Variants in TACR3 observed in about 807,000 individuals in gnomAD.
TACR3 encodes neuromedin-K receptor.
A neutral mutation model predicts 35.0 loss-of-function variants in TACR3; 34 were observed. The ratio of observed to expected loss-of-function variants is 0.97; its 90% CI spans 0.74 to 1.30. The LOEUF (loss-of-function observed/expected upper bound fraction) is 1.30. Ranked by LOEUF, TACR3 falls within the 50% of genes most tolerant of loss-of-function variation. TACR3 has a pLI of 0.00. For synonymous variants in TACR3, 233 were observed against 221.1 expected (o/e 1.05, Z -0.48); for missense variants, 558 against 591.7 (o/e 0.94, Z 0.59).
chr4:103,599,161 C>G (rs1005113838), intron 3 of TACR3, among the ~76,000 whole-genome samples: 3 of 152,072 alleles, frequency 2.0e-5, no homozygotes, highest in East Asian at 1.9e-4. Flanking sequence ...CCTTGAAGAG[C>G]TCCTTCATAT....
chr4:103,666,630 T>C (rs189151033), intron 1 of TACR3, among the ~76,000 whole-genome samples: 22 of 152,298 alleles, frequency 1.4e-4, no homozygotes, highest in African/African-American at 5.1e-4. Context: ...TACAAAATGA[T>C]TTGTATCAAA....
rs563990430 is a variant in TACR3, at chr4:103,709,850, G to A, written c.548+9278C>T. On this transcript the variant is annotated intron_variant, in intron 1 of 4. Coordinates refer to ENST00000304883, the MANE Select transcript of TACR3 (RefSeq NM_001059.3). ...ATGGAAAACAAAAAAAAATGCAGGG[G>A]TTGCAATCCTAGTCTCTGATAAAAC... Among the ~76,000 whole-genome samples, 6 of 152,180 alleles carry A rather than the reference G, an allele frequency of 3.9e-5. No homozygotes were observed. The South Asian group carries it at 1.2e-3, about 32-fold the overall frequency.
intron 1 of TACR3, among the ~76,000 whole-genome samples, chr4:103,718,599 T>G (rs1259013034): frequency 6.6e-6 from 1 of 152,174 alleles, no homozygotes; most frequent in Non-Finnish European, 1.5e-5. Context: ...TCTTGGTGAC[T>G]GGGAGACCAA....
intron 3 of TACR3, among the ~76,000 whole-genome samples, chr4:103,628,300 C>A (rs1021045667): frequency 4.7e-4 from 71 of 152,120 alleles, no homozygotes; most frequent in African/African-American, 1.6e-3. Context: ...AAGATCAGAG[C>A]AGACCTGAAG....
chr4:103,691,909 C>A (rs1004564541), intron 1 of TACR3, among the ~76,000 whole-genome samples: 1 of 152,166 alleles, frequency 6.6e-6, no homozygotes, highest in East Asian at 1.9e-4. Flanking sequence ...AGAAACAATG[C>A]TAATGACTGG....
chr4:103,610,048 T>C (rs1311570798), intron 3 of TACR3, among the ~76,000 whole-genome samples: 2 of 152,168 alleles, frequency 1.3e-5, no homozygotes, highest in South Asian at 2.1e-4. Flanking sequence ...TTCCACTTCT[T>C]GGCTATTGTG....
At chr4:103,703,822 C>T (rs1007389198) in intron 1 of TACR3, among the ~76,000 whole-genome samples, 6 of 151,822 alleles carry the variant, frequency 4.0e-5, no homozygotes, top group African/African-American at 9.7e-5. Context: ...AATACATGGC[C>T]GGCCGTGGTG....
At chr4:103,696,539 C>CAT (rs1722524037) in intron 1 of TACR3, among the ~76,000 whole-genome samples, 1 of 152,122 alleles carries the variant, frequency 6.6e-6, no homozygotes, top group African/African-American at 2.4e-5. Flanking sequence ...AAGCATTCTC[C>CAT]TTTTTTCTAA....
At chr4:103,681,035 T>C (rs1578255034) in intron 1 of TACR3, among the ~76,000 whole-genome samples, 1 of 152,032 alleles carries the variant, frequency 6.6e-6, no homozygotes, top group African/African-American at 2.4e-5. Context: ...CTTGCTAAGA[T>C]AAACTATTTT....
intron 1 of TACR3, among the ~76,000 whole-genome samples, chr4:103,680,786 C>T (rs1280337461): frequency 6.6e-6 from 1 of 151,596 alleles, no homozygotes; most frequent in Non-Finnish European, 1.5e-5. Context: ...ATCTTTTAAA[C>T]TCTCTATAAT....
In TACR3 at chr4:103,676,565, A is replaced by G. The variant is rs146872020; in HGVS notation, c.549-18162T>C. ...ATAAAGAATCCAGAAATAAGACTAC[A>G]CATCTAAGACTATCTGATCTTAGAC... On this transcript the variant is annotated intron_variant, in intron 1 of 4. Transcript: ENST00000304883. 3.3e-5 allele frequency among the ~76,000 whole-genome samples: 5 copies of G among 152,294 alleles called. No homozygotes were observed. In the East Asian group the frequency reaches 7.7e-4, roughly 24 times the overall value.
chr4:103,708,826 T>G lies in TACR3; in HGVS notation c.548+10302A>C, dbSNP rs545913158. The stretch of plus-strand genomic sequence containing the variant: ...AAGTCCTTAAATGACCTGATAGAGG[T>G]GAAAGCCATGGCACGAGAACTATGT... On this transcript the variant is annotated intron_variant, in intron 1 of 4. Transcript: ENST00000304883. 2.6e-5 allele frequency among the ~76,000 whole-genome samples: 4 copies of G among 152,046 alleles called. No homozygotes were observed. In the East Asian group the frequency reaches 7.8e-4, roughly 30 times the overall value.
intron 1 of TACR3, among the ~76,000 whole-genome samples, chr4:103,672,309 A>G (rs2110204167): frequency 6.6e-6 from 1 of 152,258 alleles, no homozygotes; most frequent in South Asian, 2.1e-4. Flanking sequence ...TCCCAGATCC[A>G]TCAGAGGAAT....
intron 3 of TACR3, among the ~76,000 whole-genome samples, chr4:103,606,725 A>T (rs2110294785): frequency 6.6e-6 from 1 of 152,198 alleles, no homozygotes; most frequent in South Asian, 2.1e-4. Flanking sequence ...TTTTGGGCTG[A>T]GACAGTGGGG....
At chr4:103,713,366 G>T (rs1280285918) in intron 1 of TACR3, among the ~76,000 whole-genome samples, 1 of 150,740 alleles carries the variant, frequency 6.6e-6, no homozygotes, top group Non-Finnish European at 1.5e-5. Flanking sequence ...GCGAACTATT[G>T]CAATGACAAA....
At chr4:103,695,711 CTGTGTGTGTGTGTG>C (rs10603685) in intron 1 of TACR3, among the ~76,000 whole-genome samples, 1 of 146,196 alleles carries the variant, frequency 6.8e-6, no homozygotes, top group African/African-American at 2.5e-5. Flanking sequence ...GTCTCTCTCT[CTGTGTGTGTGTGTG>C]TGTGTGTGTG....
At position 103,636,424 on chromosome 4, in the gene TACR3, T is replaced by C. The variant is rs954062236; in HGVS notation, c.888+19770A>G. Among the ~76,000 whole-genome samples the C allele has an allele frequency of 1.3e-5, 2 of 152,148 alleles. 1 individual carries two copies. The highest frequency in any genetic ancestry group is 1.3e-4 in the Admixed American group (2 of 15,228). ...TGGTACTTAGATGAATTTTGATTGC[T>C]GATATTGGAAAATATTTTCTTCTCA... On this transcript the variant is annotated intron_variant, in intron 3 of 4. Transcript: ENST00000304883.
At chr4:103,676,281 T>C (rs1384290874) in intron 1 of TACR3, among the ~76,000 whole-genome samples, 1 of 152,106 alleles carries the variant, frequency 6.6e-6, no homozygotes, top group East Asian at 1.9e-4. Flanking sequence ...AGCATGTATA[T>C]AGATTTTAAA....
At chr4:103,594,585 T>A (rs1038997765) in intron 3 of TACR3, among the ~76,000 whole-genome samples, 1 of 152,198 alleles carries the variant, frequency 6.6e-6, no homozygotes, top group Non-Finnish European at 1.5e-5. Context: ...TGTATTTGAA[T>A]CTTTTATACA....
Sources: gnomAD v4.1 joint callset for allele counts (sites outside exome capture counted in the v4.1 genomes callset) on GRCh38, gnomAD v4.1.1 for gene constraint, MANE v1.5 for transcripts, NCBI Gene and HGNC (gene_info 2026-07-23, HGNC 2026-07-21) for gene names.